Variants in LRRK2 observed in about 807,000 individuals in gnomAD.
The protein encoded by LRRK2 is leucine-rich repeat serine/threonine-protein kinase 2.
Under a neutral mutation model 302.6 loss-of-function variants are expected in LRRK2, and 203 were observed. The ratio of observed to expected loss-of-function variants is 0.67; its 90% CI spans 0.60 to 0.75. The LOEUF (loss-of-function observed/expected upper bound fraction) is 0.75, where lower values mean the gene tolerates loss of function less well. LRRK2 is among the 30% of genes least tolerant of loss of function. The probability of loss-of-function intolerance (pLI) is 0.00; values close to 1 mark genes in which losing one functional copy is unlikely to be tolerated. For missense variants in LRRK2, 2,830 were observed against 2,951.0 expected, an observed-to-expected ratio of 0.96 and a Z score of 0.95; for synonymous variants, 1,066 against 1,031.9, an observed-to-expected ratio of 1.03 and a Z score of -0.63.
intron 4 of LRRK2, among the ~76,000 whole-genome samples, chr12:40,236,466 A>T (rs1279772819): frequency 6.6e-6 from 1 of 152,182 alleles, no homozygotes; most frequent in Non-Finnish European, 1.5e-5. Context: ...AAATCTTGAA[A>T]TGATGCAACA....
chr12:40,225,536 C>T lies in LRRK2; in HGVS notation c.152-19C>T, dbSNP rs1336807357. 6 of 1,606,294 alleles carry T rather than the reference C, an allele frequency of 3.7e-6. No individual in the cohort carries two copies. The highest frequency in any genetic ancestry group is 4.3e-6 in the Non-Finnish European group (5 of 1,172,976). On this transcript the variant is annotated intron_variant, in intron 1 of 50. Transcript: ENST00000298910. ...TGGATTGTGACTTTGCTTCTTTTCC[C>T]CACCCACTTGTTTTCCAGCCTCCAA...
chr12:40,227,526 C>T (rs749845409), intron 2 of LRRK2, among the ~76,000 whole-genome samples: 2 of 152,084 alleles, frequency 1.3e-5, no homozygotes, highest in Admixed American at 6.6e-5. Flanking sequence ...CCACCTTTTC[C>T]GCTCCTACAT....
At position 40,346,874 on chromosome 12, in the gene LRRK2, G is replaced by A. The variant is rs200043517; in HGVS notation, c.6231G>A (p.Leu2077=). The change falls in exon 42 of 51, where the codon TTG becomes TTA. Residue 2077 remains leucine, a synonymous_variant. Transcript: ENST00000298910. ...CTGGAGGTAGAATAGTAGAGGGTTT[G>A]AAGTTTCCAAATGAGTTTGATGAAT... ...LTTGGRIVEG[L]KFPNEFDELE... 7.5e-5 allele frequency: 121 copies of A among 1,613,574 alleles called. No homozygotes were observed. In the African/African-American group the frequency reaches 9.6e-4, roughly 13 times the overall value.
chr12:40,225,076 C>A lies in LRRK2; in HGVS notation c.-56C>A. On this transcript the variant is annotated 5_prime_UTR_variant, in exon 1 of 51. Transcript: ENST00000298910. ...GCTGTGGCCGGCGCCCCTGCCGGTT[C>A]CCTGAGCAGCGGACGTTCATGCTGG... 6.2e-7 allele frequency: 1 copy of A among 1,609,160 alleles called. No individual in the cohort carries two copies. Among genetic ancestry groups the A allele is most frequent in the African/African-American group, 1.3e-5 (1 of 74,918 alleles).
chr12:40,273,012 C>G (rs1390068041), intron 14 of LRRK2, among the ~76,000 whole-genome samples: 1 of 152,128 alleles, frequency 6.6e-6, no homozygotes, highest in Non-Finnish European at 1.5e-5. Flanking sequence ...GACCTGTGAT[C>G]ATTACTCTCT....
At chr12:40,314,964 T>C (rs1945167934) in intron 32 of LRRK2, among the ~76,000 whole-genome samples, 1 of 152,090 alleles carries the variant, frequency 6.6e-6, no homozygotes, top group Admixed American at 6.6e-5. Flanking sequence ...GTGTGAAATA[T>C]GCTCTGTAAT....
intron 37 of LRRK2, 69 bp from the exon 38 acceptor site, chr12:40,323,091 T>C: frequency 7.1e-7 from 1 of 1,405,020 alleles, no homozygotes; most frequent in Non-Finnish European, 1.0e-6. Flanking sequence ...TTTTTTCACA[T>C]CAAAACCACA....
rs182030405 is a variant in LRRK2, at chr12:40,338,685, A to T, written c.5949-1609A>T. ...CCAAGATATTATCTCTTTGCCACTGACATTATTTCAAATTAAGCTTAACTA... is the reference window on the plus strand; with the variant it reads ...CCAAGATATTATCTCTTTGCCACTGTCATTATTTCAAATTAAGCTTAACTA... On this transcript the variant is annotated intron_variant, in intron 40 of 50. Coordinates refer to ENST00000298910, the MANE Select transcript of LRRK2 (RefSeq NM_198578.4). Among the ~76,000 whole-genome samples, 23 of 152,336 alleles carry T rather than the reference A, an allele frequency of 1.5e-4. No individual in the cohort carries two copies. The East Asian group carries it at 3.3e-3, about 22-fold the overall frequency.
rs371402894 is a variant in LRRK2, at chr12:40,353,428, G to A, written c.6577-871G>A. ...GCTCCCCACATCTCAGACAATGGGC[G>A]GCCGGGCAGAGCCGCTCATCACTTC... On this transcript the variant is annotated intron_variant, in intron 44 of 50. Coordinates refer to ENST00000298910, the MANE Select transcript of LRRK2 (RefSeq NM_198578.4). Among the ~76,000 whole-genome samples, 70 of 151,100 alleles carry A rather than the reference G, an allele frequency of 4.6e-4. No homozygotes were observed. In the East Asian group the frequency reaches 5.5e-3, roughly 12 times the overall value.
chr12:40,267,816 T>G (rs2136565801), intron 14 of LRRK2, among the ~76,000 whole-genome samples: 1 of 152,246 alleles, frequency 6.6e-6, no homozygotes, highest in East Asian at 1.9e-4. Flanking sequence ...TTACTGTAGC[T>G]CCAAAATTCT....
At chr12:40,286,136 AC>A (rs1353242190) in intron 19 of LRRK2, among the ~76,000 whole-genome samples, 2 of 151,878 alleles carry the variant, frequency 1.3e-5, no homozygotes, top group East Asian at 3.9e-4. Context: ...GACACATCTT[AC>A]CCAGTTAAAA....
chr12:40,290,133 A>G (rs1162301957), intron 20 of LRRK2, among the ~76,000 whole-genome samples: 1 of 151,846 alleles, frequency 6.6e-6, no homozygotes. Flanking sequence ...GCCTTTTTTT[A>G]TCATTAATAG....
chr12:40,256,549 C>G (rs1907633), intron 11 of LRRK2, among the ~76,000 whole-genome samples: 2 of 152,136 alleles, frequency 1.3e-5, no homozygotes, highest in Non-Finnish European at 2.9e-5. Flanking sequence ...TAAAGCATAT[C>G]TATATGTTTC....
rs780334763 is a variant in LRRK2, at chr12:40,310,543, G to A, written c.4430G>A (p.Arg1477Gln). The A allele has an allele frequency of 2.5e-6, 4 of 1,611,934 alleles. No homozygotes were observed. Among genetic ancestry groups the A allele is most frequent in the East Asian group, 2.2e-5 (1 of 44,834 alleles). Residue 1477 changes from arginine to glutamine, a missense_variant, in exon 31 of 51, where the codon CGA (arginine) becomes CAA (glutamine). By Grantham distance (43) the Arg-to-Gln change is conservative. Around this residue, in one of 3 missense-constraint regions of LRRK2, gnomAD observed 2,121 missense variants for 2,148.0 expected, o/e 0.99. Transcript: ENST00000298910. Reference protein sequence around the residue: ...SKITKELLNKRGFPAIRDYHF... With the variant: ...SKITKELLNKQGFPAIRDYHF... ...ATCACCAAGGAACTCCTGAATAAGC[G>A]AGGGTTCCCTGCCATACGAGATTAC...
intron 14 of LRRK2, among the ~76,000 whole-genome samples, chr12:40,271,769 T>A (rs1423070816): frequency 6.6e-6 from 1 of 152,138 alleles, no homozygotes; most frequent in Admixed American, 6.6e-5. Context: ...TATTTAAAAT[T>A]ATTGGTTTAT....
chr12:40,355,200 C>T lies in LRRK2; in HGVS notation c.6770+708C>T, dbSNP rs577149741. On this transcript the variant is annotated intron_variant, in intron 45 of 50. Coordinates refer to ENST00000298910, the MANE Select transcript of LRRK2 (RefSeq NM_198578.4). ...GAAATATCAACTCCACTGGCAGTTT[C>T]GGAGTTGAAATTATTTGAATATGGT... Among the ~76,000 whole-genome samples, 19 of 152,130 alleles carry T rather than the reference C, an allele frequency of 1.2e-4. No individual in the cohort carries two copies. In the East Asian group the frequency reaches 1.5e-3, roughly 12 times the overall value.
At chr12:40,327,811 G>A (rs1468681829) in intron 38 of LRRK2, among the ~76,000 whole-genome samples, 1 of 152,176 alleles carries the variant, frequency 6.6e-6, no homozygotes, top group Non-Finnish European at 1.5e-5. Flanking sequence ...CTACACAGTG[G>A]ACTGCCACTG....
At chr12:40,242,803 T>TAAAAAAAAAAAAAAAAA in intron 6 of LRRK2, among the ~76,000 whole-genome samples, 2 of 2,342 alleles carry the variant, frequency 8.5e-4, no homozygotes, top group East Asian at 0.028. Context: ...TTTCTCCACA[T>TAAAAAAAAAAAAAAAAA]CAAAAAAAAA....
Position 40,238,082 on chromosome 12 carries a change from T to C in LRRK2, c.550T>C (p.Leu184=). The C allele has an allele frequency of 6.2e-7, 1 of 1,613,704 alleles. No individual in the cohort carries two copies. Among genetic ancestry groups the C allele is most frequent in the South Asian group, 1.1e-5 (1 of 91,076 alleles). ...AGTCCAGAAACTTGGATGCAAAGCT[T>C]TACATGTGCTGTTTGAGAGAGGTAT... ...DEVQKLGCKA[L]HVLFERVSEE... is the part of the protein sequence containing the mutation. Residue 184 remains leucine (L), a synonymous_variant, in exon 5 of 51, where the codon TTA becomes CTA. Coordinates refer to ENST00000298910, the MANE Select transcript of LRRK2 (RefSeq NM_198578.4).
Sources: gnomAD v4.1 joint callset for allele counts (sites outside exome capture counted in the v4.1 genomes callset) on GRCh38, gnomAD v4.1.1 for gene constraint, gnomAD v4.1.1 regional missense constraint, MANE v1.5 for transcripts, NCBI Gene and HGNC (gene_info 2026-07-23, HGNC 2026-07-21) for gene names.